Variants in SEL1L2 observed in about 807,000 individuals in gnomAD.
SEL1L2 encodes the protein protein sel-1 homolog 2.
SEL1L2 carries 89 observed loss-of-function variants against 98.8 expected under a neutral mutation model. That is an observed-to-expected ratio of 0.90 (90% confidence interval 0.76 to 1.07). The LOEUF (loss-of-function observed/expected upper bound fraction) is 1.07, where lower values mean the gene tolerates loss of function less well. Ranked by LOEUF, SEL1L2 falls within the 50% of genes least tolerant of loss-of-function variation. The probability of loss-of-function intolerance (pLI) is 0.00; values close to 1 mark genes in which losing one functional copy is unlikely to be tolerated. For synonymous variants in SEL1L2, 262 were observed against 278.5 expected (o/e 0.94, Z 0.59); for missense variants, 788 against 812.0 (o/e 0.97, Z 0.36).
chr20:13,987,580 C>G (rs2052287612), intron 1 of SEL1L2, among the ~76,000 whole-genome samples: 1 of 152,010 alleles, frequency 6.6e-6, no homozygotes, highest in African/African-American at 2.4e-5. Context: ...GATCTCTTGA[C>G]CTCGTGATCC....
chr20:13,887,828 A>T lies in SEL1L2; in HGVS notation c.686T>A (p.Ile229Asn). The change falls in exon 8 of 20, where the codon ATC (isoleucine) becomes AAC (asparagine). Residue 229 changes from isoleucine to asparagine, a missense_variant. By Grantham distance (149) the Ile-to-Asn change is moderately radical. Transcript: ENST00000284951. Reference protein sequence around the residue: ...MILGYRYLSGINVLQNCEVAL... With the variant: ...MILGYRYLSGNNVLQNCEVAL... ...AACTTCACAATTCTGTAGAACATTGATTCCCGACAAATATCTGTACCCCTA... is the reference window on the plus strand; with the variant it reads ...AACTTCACAATTCTGTAGAACATTGTTTCCCGACAAATATCTGTACCCCTA... 6.2e-7 allele frequency: 1 copy of T among 1,613,494 alleles called. No homozygotes were observed. The highest frequency in any genetic ancestry group is 8.5e-7 in the Non-Finnish European group (1 of 1,179,588).
chr20:13,942,788 GA>G (rs957454045), intron 2 of SEL1L2, among the ~76,000 whole-genome samples: 10 of 151,896 alleles, frequency 6.6e-5, no homozygotes, highest in Non-Finnish European at 1.0e-4. Context: ...ATGTATGTTT[GA>G]AAAAAATGGG....
intron 1 of SEL1L2, among the ~76,000 whole-genome samples, chr20:13,983,045 A>AAAAAAAAAAAAAAAAAAAAC (rs1431339711): frequency 1.4e-5 from 2 of 145,370 alleles, no homozygotes; most frequent in Non-Finnish European, 1.5e-5. Flanking sequence ...AAAAAAAAAA[A>AAAAAAAAAAAAAAAAAAAAC]AAAGCAGCAG....
chr20:13,939,175 C>G (rs1460641396), intron 2 of SEL1L2, among the ~76,000 whole-genome samples: 1 of 151,292 alleles, frequency 6.6e-6, no homozygotes, highest in African/African-American at 2.4e-5. Context: ...TCCTGAGTAT[C>G]TGGGATTACA....
chr20:13,886,364 G>A lies in SEL1L2; in HGVS notation c.824C>T (p.Ser275Phe). The change falls in exon 9 of 20, where the codon TCT becomes TTT. Residue 275 changes from serine (S) to phenylalanine (F), a missense_variant. By Grantham distance (155) the Ser-to-Phe change is radical (BLOSUM62 -2). Transcript: ENST00000284951. ...GTCCCAATCCAAAATCTCACTGTTA[G>A]AACTCAGATTTTCAGGTCTTTCCGT... ...RLTERPENLS[S>F]NSEILDWDIY... 1.2e-6 allele frequency: 2 copies of A among 1,613,116 alleles called. No individual in the cohort carries two copies. The highest frequency in any genetic ancestry group is 1.7e-6 in the Non-Finnish European group (2 of 1,179,174).
chr20:13,871,802 G>A (rs548299865), intron 12 of SEL1L2, among the ~76,000 whole-genome samples: 59 of 152,148 alleles, frequency 3.9e-4, no homozygotes, highest in African/African-American at 1.2e-3. Context: ...GTGAGACACC[G>A]CACCCTGCCG....
At position 13,887,856 on chromosome 20, in the gene SEL1L2, A is replaced by T; in HGVS notation, c.664-6T>A. 1 of 1,611,550 alleles carries T rather than the reference A, an allele frequency of 6.2e-7. No individual in the cohort carries two copies. Among genetic ancestry groups the T allele is most frequent in the Non-Finnish European group, 8.5e-7 (1 of 1,177,886 alleles). ...CCCGACAAATATCTGTACCCCTAAA[A>T]CACAGACAGATGCATTCTTAATATT... On this transcript the variant is annotated splice_polypyrimidine_tract_variant and splice_region_variant and intron_variant, in intron 7 of 19. Transcript: ENST00000284951.
At chr20:13,944,797 T>C (rs929105595) in intron 2 of SEL1L2, among the ~76,000 whole-genome samples, 1 of 152,196 alleles carries the variant, frequency 6.6e-6, no homozygotes, top group Non-Finnish European at 1.5e-5. Context: ...ATGATGATGG[T>C]GATTTCTGAA....
intron 2 of SEL1L2, among the ~76,000 whole-genome samples, chr20:13,955,746 G>A (rs2148444790): frequency 6.6e-6 from 1 of 152,264 alleles, no homozygotes; most frequent in East Asian, 1.9e-4. Context: ...TATAAGCCAG[G>A]TGGGTCTCTG....
Position 13,857,186 on chromosome 20 carries a change from T to C in SEL1L2, c.1818+2076A>G, listed in dbSNP as rs537244242. On this transcript the variant is annotated intron_variant, in intron 18 of 19. Coordinates refer to ENST00000284951, the MANE Select transcript of SEL1L2 (RefSeq NM_025229.2). The stretch of plus-strand genomic sequence containing the variant: ...AAAATTCTCATATCCAAGTGGGAGG[T>C]TAAGAGTAGTCCCTGATTTTTTTTT... Among the ~76,000 whole-genome samples, 7 of 150,862 alleles carry C rather than the reference T, an allele frequency of 4.6e-5. No homozygotes were observed. The South Asian group carries it at 1.5e-3, about 32-fold the overall frequency.
chr20:13,923,710 T>G (rs1036245288), intron 3 of SEL1L2, among the ~76,000 whole-genome samples: 11 of 152,190 alleles, frequency 7.2e-5, no homozygotes, highest in African/African-American at 2.7e-4. Context: ...GCCGAGATTG[T>G]GCCACTGCAC....
chr20:13,890,031 A>T (rs542577793), intron 5 of SEL1L2, among the ~76,000 whole-genome samples: 1 of 152,354 alleles, frequency 6.6e-6, no homozygotes, highest in South Asian at 2.1e-4. Flanking sequence ...ACCAGTTAAG[A>T]AGTCATAGGA....
At chr20:13,919,994 C>T (rs1239397232) in intron 3 of SEL1L2, among the ~76,000 whole-genome samples, 3 of 150,186 alleles carry the variant, frequency 2.0e-5, no homozygotes, top group Admixed American at 6.7e-5. Context: ...TTTGGAAGGC[C>T]GAGGCAGGCG....
chr20:13,955,046 G>A (rs897230897), intron 2 of SEL1L2, among the ~76,000 whole-genome samples: 3 of 152,106 alleles, frequency 2.0e-5, no homozygotes, highest in African/African-American at 7.2e-5. Context: ...CCTCCATTTA[G>A]ATTTAAGATT....
At chr20:13,977,498 T>C (rs1357465125) in intron 1 of SEL1L2, among the ~76,000 whole-genome samples, 2 of 152,118 alleles carry the variant, frequency 1.3e-5, no homozygotes, top group Non-Finnish European at 2.9e-5. Flanking sequence ...GGATAGATCT[T>C]GGGATCCATT....
chr20:13,912,421 C>T (rs1568954617), intron 5 of SEL1L2, among the ~76,000 whole-genome samples: 1 of 151,592 alleles, frequency 6.6e-6, no homozygotes, highest in Non-Finnish European at 1.5e-5. Context: ...CTCAGCCTCT[C>T]GAGCAGCTGG....
chr20:13,932,330 T>G (rs964809203), intron 2 of SEL1L2, among the ~76,000 whole-genome samples: 1 of 152,002 alleles, frequency 6.6e-6, no homozygotes, highest in Non-Finnish European at 1.5e-5. Flanking sequence ...AAAAGCTTTA[T>G]GGAAGTAAAT....
intron 2 of SEL1L2, among the ~76,000 whole-genome samples, chr20:13,954,298 C>CAAA (rs2050416576): frequency 6.6e-6 from 1 of 152,082 alleles, no homozygotes; most frequent in Non-Finnish European, 1.5e-5. Context: ...AAATAGTATC[C>CAAA]TGCTCATTGC....
rs759286946 is a variant in SEL1L2 at position 13,882,812 on chromosome 20, C to CTTTTT, written c.957+2530_957+2534dup. Among the ~76,000 whole-genome samples the CTTTTT allele has an allele frequency of 2.1e-4, 23 of 107,236 alleles. 1 individual carries two copies. The highest frequency in any genetic ancestry group is 3.4e-4 in the South Asian group (1 of 2,900). 70.4% of individuals were successfully genotyped at this position (107,236 alleles called of 152,430 possible). A position where few individuals can be genotyped will look rare whatever the true frequency, so the allele number is the denominator to read the frequency against. The stretch of plus-strand genomic sequence containing the variant: ...ATAACTGATAGATAAGTCAATTTGT[C>CTTTTT]TTTTTTTTTTTTTTTTTTTTTTGAG... On this transcript the variant is annotated intron_variant, in intron 10 of 19. Coordinates refer to ENST00000284951, the MANE Select transcript of SEL1L2 (RefSeq NM_025229.2).
Sources: allele counts gnomAD v4.1 joint callset (sites outside exome capture counted in the v4.1 genomes callset), GRCh38; gene constraint gnomAD v4.1.1; transcripts MANE v1.5; gene names NCBI Gene and HGNC (gene_info 2026-07-23, HGNC 2026-07-21).